NPM1: variants seen among roughly 807,000 people sequenced by gnomAD.
The protein encoded by NPM1 is nucleophosmin.
Under a neutral mutation model 44.1 loss-of-function variants are expected in NPM1, and 1 was observed. That is an observed-to-expected ratio of 0.02 (90% CI 0.01 to 0.11). The LOEUF (loss-of-function observed/expected upper bound fraction) is 0.11, where lower values mean the gene tolerates loss of function less well. NPM1 is among the 10% of genes least tolerant of loss of function. The pLI, the probability that NPM1 is intolerant of heterozygous loss-of-function variation, is 1.00. For missense variants in NPM1, 197 were observed against 347.8 expected (o/e 0.57, Z 3.45); for synonymous variants, 126 against 111.8 (o/e 1.13, Z -0.80).
chr5:171,404,633 A>G (rs1289456338), intron 8 of NPM1, among the ~76,000 whole-genome samples: 1 of 118,600 alleles, frequency 8.4e-6, no homozygotes, highest in African/African-American at 3.4e-5. Context: ...CCGGGCGGAG[A>G]CGCTCCTCAC....
chr5:171,394,872 C>G (rs750235372), intron 6 of NPM1, among the ~76,000 whole-genome samples: 2 of 152,054 alleles, frequency 1.3e-5, no homozygotes, highest in African/African-American at 4.8e-5. Context: ...TGGAAGATTT[C>G]CTTTTTTAAA....
At chr5:171,394,170 T>A (rs1770751335) in intron 6 of NPM1, among the ~76,000 whole-genome samples, 1 of 150,632 alleles carries the variant, frequency 6.6e-6, no homozygotes, top group African/African-American at 2.4e-5. Flanking sequence ...GCCTCCCGGG[T>A]AGCTGGGACT....
chr5:171,392,654 T>G, intron 4 of NPM1, 56 bp from the exon 5 acceptor site: 1 of 1,189,488 alleles, frequency 8.4e-7, no homozygotes, highest in East Asian at 2.4e-5. Flanking sequence ...AGTGTTCTTT[T>G]TTTTTCTGAC....
chr5:171,394,102 C>T (rs1295696102), intron 6 of NPM1, among the ~76,000 whole-genome samples: 1 of 132,384 alleles, frequency 7.6e-6, no homozygotes, highest in Non-Finnish European at 1.5e-5. Context: ...AGTGCGGTGG[C>T]GCCATCTCGG....
At chr5:171,391,017 C>T (rs1400910958) in intron 2 of NPM1, 2 of 220,454 alleles carry the variant, frequency 9.1e-6, no homozygotes, top group East Asian at 9.5e-5. Context: ...CCACCAAGCC[C>T]GGCCCTTTCC....
At chr5:171,407,584 G>A (rs1205280175) in intron 9 of NPM1, 116 bp from the exon 10 acceptor site, 2 of 697,318 alleles carry the variant, frequency 2.9e-6, no homozygotes, top group Non-Finnish European at 5.0e-6. Flanking sequence ...GAAAGTTGAA[G>A]GGAAAAAGAA....
At chr5:171,393,203 A>T (rs1303268454) in intron 6 of NPM1, among the ~76,000 whole-genome samples, 1 of 152,116 alleles carries the variant, frequency 6.6e-6, no homozygotes, top group Non-Finnish European at 1.5e-5. Flanking sequence ...GTGACTTGTG[A>T]CTCTTCAGAA....
intron 7 of NPM1, 111 bp from the exon 8 acceptor site, chr5:171,400,725 CATG>C (rs1290414346): frequency 1.5e-6 from 1 of 678,810 alleles, no homozygotes; most frequent in African/African-American, 1.8e-5. Context: ...GGATTACAGG[CATG>C]AGCCACCACG....
intron 8 of NPM1, among the ~76,000 whole-genome samples, chr5:171,404,922 A>G (rs1771482566): frequency 6.6e-6 from 1 of 151,778 alleles, no homozygotes; most frequent in African/African-American, 2.4e-5. Context: ...GCATAAAAGC[A>G]AACTCCCAAG....
intron 10 of NPM1, among the ~76,000 whole-genome samples, chr5:171,408,681 A>G (rs893338517): frequency 4.6e-5 from 7 of 152,192 alleles, no homozygotes; most frequent in Non-Finnish European, 1.0e-4. Flanking sequence ...TTTGAATCCT[A>G]AAGTTTAAAG....
chr5:171,392,481 A>C (rs1050835105), intron 4 of NPM1, among the ~76,000 whole-genome samples: 1 of 152,078 alleles, frequency 6.6e-6, no homozygotes, highest in Non-Finnish European at 1.5e-5. Flanking sequence ...CCAAAGTGAG[A>C]TTACAGGCAT....
chr5:171,391,299 TCACA>T lies in NPM1; in HGVS notation c.139-5_139-2del. 1.2e-6 allele frequency: 2 copies of T among 1,607,598 alleles called. No individual in the cohort carries two copies. The highest frequency in any genetic ancestry group is 1.7e-5 in the Admixed American group (1 of 58,558). On this transcript the variant is annotated splice_acceptor_variant and splice_polypyrimidine_tract_variant and intron_variant, in intron 2 of 10. Transcript: ENST00000296930. LOFTEE classifies it high-confidence loss of function. The stretch of plus-strand genomic sequence containing the variant: ...AGTTGAAGTAGTATTTTTTTTTTGT[TCACA>T]GGTCAGTTTAGGGGCTGGTGCAAAG...
intron 2 of NPM1, 58 bp downstream of exon 2, chr5:171,390,188 C>T (rs2113159354): frequency 1.0e-6 from 1 of 1,003,240 alleles, no homozygotes; most frequent in African/African-American, 1.7e-5. Flanking sequence ...CTTTTAGTTT[C>T]TATTCATGTG....
chr5:171,391,205 C>T (rs2113165870), intron 2 of NPM1, 100 bp from the exon 3 acceptor site: 1 of 1,325,720 alleles, frequency 7.5e-7, no homozygotes, highest in Non-Finnish European at 1.0e-6. Flanking sequence ...AGAACCTAGC[C>T]CTGTGGTTAA....
At chr5:171,405,660 T>C in intron 9 of NPM1, 1 of 425,356 alleles carries the variant, frequency 2.4e-6, no homozygotes, top group East Asian at 5.0e-5. Context: ...AAGATAACAT[T>C]CTGACCTTCC....
At chr5:171,392,893 A>G (rs1423443209) in intron 5 of NPM1, 21 bp from the exon 6 acceptor site, 6 of 1,612,384 alleles carry the variant, frequency 3.7e-6, no homozygotes, top group Non-Finnish European at 5.1e-6. Context: ...GTTCATGAGT[A>G]CGTATCTTTT....
intron 1 of NPM1, among the ~76,000 whole-genome samples, 181 bp downstream of exon 1, chr5:171,388,187 G>A (rs1379591429): frequency 6.6e-6 from 1 of 151,900 alleles, no homozygotes; most frequent in Middle Eastern, 3.2e-3. Context: ...GCCGCGGGGG[G>A]AGCCGGTGGC....
At chr5:171,395,939 G>A (rs1223897548) in intron 6 of NPM1, among the ~76,000 whole-genome samples, 4 of 150,882 alleles carry the variant, frequency 2.7e-5, no homozygotes, top group African/African-American at 9.8e-5. Flanking sequence ...TTTAATTTTT[G>A]GGGAATTTCT....
rs867075630 is a variant in NPM1, at chr5:171,388,110, G to T, written c.58+104G>T. 185 of 1,039,074 alleles carry T rather than the reference G, an allele frequency of 1.8e-4. No homozygotes were observed. In the Middle Eastern group the frequency reaches 8.6e-3, roughly 48 times the overall value. 64.4% of individuals were successfully genotyped at this position (1,039,074 alleles called of 1,614,324 possible). Reference sequence around the variant, plus strand: ...GCTGCAACCGGGTCTGGTGGAGACCGCCAGACCGACGGGAGGCCTGAGCGG... The same window carrying T: ...GCTGCAACCGGGTCTGGTGGAGACCTCCAGACCGACGGGAGGCCTGAGCGG... On this transcript the variant is annotated intron_variant, in intron 1 of 10. Transcript: ENST00000296930.
Sources: gnomAD v4.1 joint callset for allele counts (sites outside exome capture counted in the v4.1 genomes callset) on GRCh38, gnomAD v4.1.1 for gene constraint, MANE v1.5 for transcripts, NCBI Gene and HGNC (gene_info 2026-07-23, HGNC 2026-07-21) for gene names.